Variants in CWC27 observed in about 807,000 individuals in gnomAD.
The protein encoded by CWC27 is spliceosome-associated protein CWC27 homolog.
A neutral mutation model predicts 63.6 loss-of-function variants in CWC27; 47 were observed. The observed-to-expected ratio is 0.74, with a 90% CI of 0.58 to 0.94. The LOEUF is 0.94. Ranked by LOEUF, CWC27 falls within the 40% of genes least tolerant of loss-of-function variation. CWC27 has a pLI of 0.00. For missense variants in CWC27, 495 were observed against 554.3 expected (o/e 0.89, Z 1.07); for synonymous variants, 175 against 179.8 (o/e 0.97, Z 0.22).
intron 11 of CWC27, among the ~76,000 whole-genome samples, chr5:64,894,460 A>C (rs1006894408): frequency 1.3e-5 from 2 of 151,498 alleles, no homozygotes; most frequent in Non-Finnish European, 2.9e-5. Flanking sequence ...TGTTTCTAAA[A>C]CCCCCCTAGG....
At chr5:64,993,334 T>A (rs1309549) in intron 13 of CWC27, among the ~76,000 whole-genome samples, 112,131 of 151,886 alleles carry the variant, frequency 0.74, 42,202 homozygotes, top group African/African-American at 0.88. Context: ...TAATAACCTC[T>A]AAGTAATATT....
chr5:65,008,652 G>C (rs1749891968), intron 13 of CWC27, among the ~76,000 whole-genome samples: 1 of 152,224 alleles, frequency 6.6e-6, no homozygotes, highest in African/African-American at 2.4e-5. Context: ...TTCTTGATGA[G>C]TTATGGTAAT....
At chr5:64,772,501 C>A (rs892707997) in intron 1 of CWC27, among the ~76,000 whole-genome samples, 1 of 151,282 alleles carries the variant, frequency 6.6e-6, no homozygotes, top group African/African-American at 2.4e-5. Context: ...ATGTTGTGAG[C>A]CTGTAATCCC....
chr5:64,805,420 A>T (rs566578138), intron 10 of CWC27, among the ~76,000 whole-genome samples: 1 of 151,810 alleles, frequency 6.6e-6, no homozygotes, highest in South Asian at 2.1e-4. Context: ...TAGTGATCAT[A>T]TGCATGCTTC....
intron 2 of CWC27, among the ~76,000 whole-genome samples, chr5:64,777,221 C>T (rs1743488686): frequency 6.6e-6 from 1 of 152,078 alleles, no homozygotes; most frequent in Non-Finnish European, 1.5e-5. Context: ...ATTCTTGTCT[C>T]ATCATGGTCC....
intron 13 of CWC27, among the ~76,000 whole-genome samples, chr5:65,000,604 C>T (rs1331856720): frequency 1.3e-5 from 2 of 151,930 alleles, no homozygotes; most frequent in Non-Finnish European, 2.9e-5. Flanking sequence ...AAAGTATGTT[C>T]TTGGCACCTT....
intron 11 of CWC27, among the ~76,000 whole-genome samples, chr5:64,944,484 A>T (rs1470938968): frequency 1.3e-5 from 2 of 152,104 alleles, no homozygotes; most frequent in African/African-American, 4.8e-5. Flanking sequence ...AACATCTTTA[A>T]ATCTCATGGA....
intron 11 of CWC27, among the ~76,000 whole-genome samples, chr5:64,924,532 T>G (rs549659233): frequency 6.6e-6 from 1 of 152,356 alleles, no homozygotes; most frequent in African/African-American, 2.4e-5. Context: ...AGCCTCTTCC[T>G]TCTAACGGCA....
intron 11 of CWC27, among the ~76,000 whole-genome samples, chr5:64,922,883 G>A (rs1381817210): frequency 1.3e-5 from 2 of 152,208 alleles, no homozygotes; most frequent in Non-Finnish European, 2.9e-5. Context: ...TGCTTTTGGA[G>A]GGCGCGGGCT....
intron 11 of CWC27, among the ~76,000 whole-genome samples, chr5:64,937,016 G>T (rs5923808): frequency 6.6e-6 from 1 of 151,574 alleles, no homozygotes; most frequent in African/African-American, 2.4e-5. Flanking sequence ...CTGGCTAGTG[G>T]TCTATTTTGT....
chr5:64,991,646 A>G (rs913943621), intron 13 of CWC27, among the ~76,000 whole-genome samples: 3 of 152,226 alleles, frequency 2.0e-5, no homozygotes, highest in Admixed American at 2.0e-4. Flanking sequence ...GGATCACTTG[A>G]GCCCAGGAGT....
At chr5:64,967,137 C>G (rs1031880511) in intron 11 of CWC27, among the ~76,000 whole-genome samples, 1 of 151,952 alleles carries the variant, frequency 6.6e-6, no homozygotes, top group African/African-American at 2.4e-5. Flanking sequence ...TTTACAATTA[C>G]CCATATTTGT....
At position 64,995,008 on chromosome 5, in the gene CWC27, ATT is replaced by A. The variant is rs72205192; in HGVS notation, c.1256+17787_1256+17788del. On this transcript the variant is annotated intron_variant, in intron 13 of 13. Transcript: ENST00000381070. ...CTTTTTTATTTACAAAAGCTCTGAA[ATT>A]TTTTTTTTTTTTTTTTGAGACAGAG... Among the ~76,000 whole-genome samples, 670 of 129,938 alleles carry A rather than the reference ATT, an allele frequency of 5.2e-3. 6 individuals are homozygous for A. The highest frequency in any genetic ancestry group is 0.016 in the African/African-American group (541 of 34,702). 85.2% of individuals were successfully genotyped at this position (129,938 alleles called of 152,430 possible).
In CWC27 at chr5:65,004,203, G is replaced by A. The variant is rs764905211; in HGVS notation, c.1257-13956G>A. On this transcript the variant is annotated intron_variant, in intron 13 of 13. Transcript: ENST00000381070. ...TGGCTTTTAGGGTTGAATGTATGTC[G>A]CACTCCTTGAGCTTCCTTCCTTCCT... Among the ~76,000 whole-genome samples the A allele has an allele frequency of 3.3e-5, 5 of 152,054 alleles. No homozygotes were observed. In the South Asian group the frequency reaches 6.2e-4, roughly 19 times the overall value.
At chr5:64,950,075 A>T (rs1189362183) in intron 11 of CWC27, among the ~76,000 whole-genome samples, 1 of 152,052 alleles carries the variant, frequency 6.6e-6, no homozygotes, top group Non-Finnish European at 1.5e-5. Context: ...TATATTGATT[A>T]CATAGTGAAA....
intron 10 of CWC27, among the ~76,000 whole-genome samples, chr5:64,809,199 G>A (rs1460853018): frequency 1.3e-5 from 2 of 152,088 alleles, no homozygotes; most frequent in Non-Finnish European, 2.9e-5. Context: ...AGGTTACTAT[G>A]TGATGTTTTG....
In CWC27 at chr5:64,993,489, T is replaced by TA. The variant is rs1305743913; in HGVS notation, c.1256+16260dup. Among the ~76,000 whole-genome samples, 81 of 151,332 alleles carry TA rather than the reference T, an allele frequency of 5.4e-4. 1 individual carries two copies. Among genetic ancestry groups the TA allele is most frequent in the Middle Eastern group, 3.4e-3 (1 of 294 alleles). ...AAAAGGAGAAAAGTGTAGCCCTGTT[T>TA]AAAAAAAAAGAAGTTCTTTAGCTGA... On this transcript the variant is annotated intron_variant, in intron 13 of 13. Coordinates refer to ENST00000381070, the MANE Select transcript of CWC27 (RefSeq NM_005869.4).
At chr5:64,915,179 C>G (rs955589864) in intron 11 of CWC27, among the ~76,000 whole-genome samples, 2 of 151,864 alleles carry the variant, frequency 1.3e-5, no homozygotes, top group Non-Finnish European at 2.9e-5. Flanking sequence ...TTCCTCTATC[C>G]CCTCCTTGTT....
At chr5:64,912,939 C>A (rs1005946744) in intron 11 of CWC27, among the ~76,000 whole-genome samples, 5 of 152,076 alleles carry the variant, frequency 3.3e-5, no homozygotes, top group African/African-American at 9.7e-5. Context: ...CCAACATAAT[C>A]TTGATAATAA....
Sources: allele counts gnomAD v4.1 joint callset (sites outside exome capture counted in the v4.1 genomes callset), GRCh38; gene constraint gnomAD v4.1.1; transcripts MANE v1.5; gene names NCBI Gene and HGNC (gene_info 2026-07-23, HGNC 2026-07-21).